Variants in PPM1E observed in about 807,000 individuals in gnomAD.
PPM1E encodes protein phosphatase, Mg2+/Mn2+ dependent 1E.
Under a neutral mutation model 65.9 loss-of-function variants are expected in PPM1E, and 20 were observed. The ratio of observed to expected loss-of-function variants is 0.30; its 90% CI spans 0.21 to 0.44. The LOEUF is 0.44. Among genes scored for constraint, PPM1E ranks in the 20% least tolerant of loss-of-function variants. The pLI, the probability that PPM1E is intolerant of heterozygous loss-of-function variation, is 1.00. For synonymous variants in PPM1E, 352 were observed against 374.9 expected (o/e 0.94, Z 0.70); for missense variants, 713 against 953.1 (o/e 0.75, Z 3.32).
chr17:58,791,285 G>T (rs2050155649), intron 1 of PPM1E, among the ~76,000 whole-genome samples: 1 of 152,062 alleles, frequency 6.6e-6, no homozygotes, highest in Non-Finnish European at 1.5e-5. Context: ...TAAATTATCA[G>T]ATTATCAGAT....
At chr17:58,774,943 C>T (rs1377243413) in intron 1 of PPM1E, among the ~76,000 whole-genome samples, 1 of 151,736 alleles carries the variant, frequency 6.6e-6, no homozygotes, top group Non-Finnish European at 1.5e-5. Flanking sequence ...ACCTCTGCCT[C>T]CTGGGTTCAA....
chr17:58,770,206 C>T (rs2049923013), intron 1 of PPM1E, among the ~76,000 whole-genome samples: 1 of 152,026 alleles, frequency 6.6e-6, no homozygotes, highest in Admixed American at 6.6e-5. Flanking sequence ...TTAAAAATGG[C>T]TCAAAGTAAA....
In PPM1E at chr17:58,982,233, T is replaced by TTTAG. The variant is rs1470290814; in HGVS notation, c.*1206_*1209dup. 2 of 152,632 alleles carry TTTAG rather than the reference T, an allele frequency of 1.3e-5. No individual in the cohort carries two copies. Among genetic ancestry groups the TTTAG allele is most frequent in the Non-Finnish European group, 1.5e-5 (1 of 68,056 alleles). The allele number at this position is 152,632 out of a possible 1,614,324, so 9.5% of individuals were successfully genotyped here. ...AGGACGTGTGCTTTTCATTTCAATA[T>TTTAG]TTAGTTATATTTGATATTTTGAAAC... On this transcript the variant is annotated 3_prime_UTR_variant, in exon 7 of 7. Coordinates refer to ENST00000308249, the MANE Select transcript of PPM1E (RefSeq NM_014906.5).
rs150058741 is a variant in PPM1E at position 58,843,144 on chromosome 17, G to A, written c.464+86683G>A. Among the ~76,000 whole-genome samples, 878 of 151,626 alleles carry A rather than the reference G, an allele frequency of 5.8e-3. 5 individuals carry two copies. Among genetic ancestry groups the A allele is most frequent in the African/African-American group, 9.4e-3 (387 of 41,334 alleles). On this transcript the variant is annotated intron_variant, in intron 1 of 6. Coordinates refer to ENST00000308249, the MANE Select transcript of PPM1E (RefSeq NM_014906.5). ...ACTAAAAATACAAAAAAAATTAGTC[G>A]GGCATGGTGGCGGCGCCTGTAGTCC...
intron 1 of PPM1E, among the ~76,000 whole-genome samples, chr17:58,911,477 A>G (rs1345161802): frequency 6.6e-6 from 1 of 152,178 alleles, no homozygotes; most frequent in African/African-American, 2.4e-5. Context: ...TGAAATAAGC[A>G]TCTGGTTATT....
In PPM1E at chr17:58,789,483, A is replaced by G. The variant is rs935960483; in HGVS notation, c.464+33022A>G. 3.3e-5 allele frequency among the ~76,000 whole-genome samples: 5 copies of G among 152,220 alleles called. No individual in the cohort carries two copies. The South Asian group carries it at 1.0e-3, about 32-fold the overall frequency. On this transcript the variant is annotated intron_variant, in intron 1 of 6. Coordinates refer to ENST00000308249, the MANE Select transcript of PPM1E (RefSeq NM_014906.5). ...TTCTGATTACATTCTTCTTTCTAGT[A>G]GTAGGTTAAATTTACACTGCTTTCA...
At chr17:58,791,987 C>G (rs2050161455) in intron 1 of PPM1E, among the ~76,000 whole-genome samples, 2 of 152,016 alleles carry the variant, frequency 1.3e-5, no homozygotes, top group African/African-American at 2.4e-5. Context: ...TCTTCCTTGC[C>G]CATTTCTTCC....
intron 1 of PPM1E, among the ~76,000 whole-genome samples, chr17:58,810,199 G>T (rs1423319733): frequency 6.6e-6 from 1 of 151,994 alleles, no homozygotes; most frequent in Non-Finnish European, 1.5e-5. Flanking sequence ...CATATGTGGT[G>T]CTGTGTACTT....
intron 1 of PPM1E, among the ~76,000 whole-genome samples, chr17:58,885,554 A>G (rs953936823): frequency 6.6e-6 from 1 of 152,206 alleles, no homozygotes; most frequent in Non-Finnish European, 1.5e-5. Context: ...TAGGATGGAC[A>G]TAATTATTAT....
intron 1 of PPM1E, among the ~76,000 whole-genome samples, chr17:58,825,191 A>G (rs2050521424): frequency 6.6e-6 from 1 of 151,356 alleles, no homozygotes. Context: ...TAAAAAAAAG[A>G]AAGGCTTGAA....
At chr17:58,969,816 C>T in intron 4 of PPM1E, 89 bp downstream of exon 4, 2 of 1,245,196 alleles carry the variant, frequency 1.6e-6, no homozygotes, top group Non-Finnish European at 1.1e-6. Flanking sequence ...TAGATTTTCT[C>T]TTTCTGGGCA....
At chr17:58,796,363 CTTTA>C (rs1040836698) in intron 1 of PPM1E, among the ~76,000 whole-genome samples, 1 of 151,958 alleles carries the variant, frequency 6.6e-6, no homozygotes, top group African/African-American at 2.4e-5. Flanking sequence ...TCCCATGGCA[CTTTA>C]TTTATTTATT....
intron 1 of PPM1E, among the ~76,000 whole-genome samples, chr17:58,955,107 G>A (rs1461181027): frequency 6.6e-6 from 1 of 152,080 alleles, no homozygotes; most frequent in Non-Finnish European, 1.5e-5. Context: ...GCTCATGCCT[G>A]TAATCCCAGC....
chr17:58,883,640 C>A (rs1160910364), intron 1 of PPM1E, among the ~76,000 whole-genome samples: 1 of 151,454 alleles, frequency 6.6e-6, no homozygotes, highest in African/African-American at 2.4e-5. Flanking sequence ...CCCGCCACCA[C>A]GCCCGGCTAA....
chr17:58,881,243 A>C (rs557490885), intron 1 of PPM1E, among the ~76,000 whole-genome samples: 4 of 152,370 alleles, frequency 2.6e-5, no homozygotes, highest in Admixed American at 6.5e-5. Context: ...ATAGAAATAC[A>C]GAAGGCTGGG....
intron 1 of PPM1E, among the ~76,000 whole-genome samples, chr17:58,758,539 A>AG (rs1226682475): frequency 6.6e-6 from 1 of 152,068 alleles, no homozygotes; most frequent in Non-Finnish European, 1.5e-5. Flanking sequence ...AAAAAAAAAA[A>AG]AAAGATTAAT....
At chr17:58,867,213 C>T (rs976187125) in intron 1 of PPM1E, among the ~76,000 whole-genome samples, 1 of 152,184 alleles carries the variant, frequency 6.6e-6, no homozygotes, top group African/African-American at 2.4e-5. Flanking sequence ...CTCCTGACCT[C>T]ATGATCTGCC....
Position 58,983,681 on chromosome 17 carries a change from T to C in PPM1E, c.*2650T>C, listed in dbSNP as rs1313811175. 6.5e-6 allele frequency: 1 copy of C among 152,680 alleles called. No homozygotes were observed. Among genetic ancestry groups the C allele is most frequent in the Non-Finnish European group, 1.5e-5 (1 of 68,044 alleles). 9.5% of individuals were successfully genotyped at this position (152,680 alleles called of 1,614,324 possible). A position where few individuals can be genotyped will look rare whatever the true frequency, so the allele number is the denominator to read the frequency against. On this transcript the variant is annotated 3_prime_UTR_variant, in exon 7 of 7. Coordinates refer to ENST00000308249, the MANE Select transcript of PPM1E (RefSeq NM_014906.5). ...ATGCTGAGGTATAGTCTGTGAATTA[T>C]GTGTTTTGTATTTTTATTCATTGTG...
intron 1 of PPM1E, among the ~76,000 whole-genome samples, chr17:58,805,091 C>G (rs943329639): frequency 1.3e-5 from 2 of 151,780 alleles, no homozygotes; most frequent in African/African-American, 4.8e-5. Context: ...CTGAGATCAA[C>G]TTTTTAAAAT....
Sources: allele counts gnomAD v4.1 joint callset (sites outside exome capture counted in the v4.1 genomes callset), GRCh38; gene constraint gnomAD v4.1.1; transcripts MANE v1.5; gene names NCBI Gene and HGNC (gene_info 2026-07-23, HGNC 2026-07-21).